The following ERBB4 variants were observed in gnomAD, a reference collection of about 807,000 sequenced individuals.
ERBB4 encodes receptor tyrosine-protein kinase erbB-4.
ERBB4 carries 42 observed loss-of-function variants against 158.0 expected under a neutral mutation model. The observed-to-expected ratio is 0.27, with a 90% CI of 0.21 to 0.34. ERBB4 has a LOEUF of 0.34. Ranked by LOEUF, ERBB4 falls within the 10% of genes least tolerant of loss-of-function variation. The probability of loss-of-function intolerance (pLI) is 1.00; values close to 1 mark genes in which losing one functional copy is unlikely to be tolerated. For synonymous variants in ERBB4, 583 were observed against 558.7 expected (o/e 1.04, Z -0.61); for missense variants, 1,333 against 1,624.1 (o/e 0.82, Z 3.08).
Position 212,461,915 on chromosome 2 carries a change from TG to T in ERBB4, c.82+76533del, listed in dbSNP as rs529621396. ...GCACAAGCTCTCTCTCTTTGCCTGC[TG>T]CCATCCATGTAAGACGTGACTTGCT... On this transcript the variant is annotated intron_variant, in intron 1 of 27. Transcript: ENST00000342788. 2.5e-3 allele frequency among the ~76,000 whole-genome samples: 386 copies of T among 152,322 alleles called. 3 individuals carry two copies. The highest frequency in any genetic ancestry group is 4.0e-3 in the Non-Finnish European group (274 of 68,022).
intron 7 of ERBB4, among the ~76,000 whole-genome samples, chr2:211,721,010 A>G (rs982538032): frequency 6.6e-6 from 1 of 152,192 alleles, no homozygotes; most frequent in Non-Finnish European, 1.5e-5. Context: ...TGGCCTGCAC[A>G]CGTGCCATTT....
At chr2:211,585,420 G>A (rs2068246759) in intron 19 of ERBB4, among the ~76,000 whole-genome samples, 3 of 150,996 alleles carry the variant, frequency 2.0e-5, no homozygotes, top group Admixed American at 2.0e-4. Flanking sequence ...GTTGTTTAAA[G>A]CCAAATCTAC....
At chr2:211,960,179 G>GGGA (rs1437992545) in intron 2 of ERBB4, among the ~76,000 whole-genome samples, 4 of 152,018 alleles carry the variant, frequency 2.6e-5, no homozygotes, top group African/African-American at 9.7e-5. Context: ...TTCTAGGTAT[G>GGGA]GGACAAGAAA....
intron 1 of ERBB4, among the ~76,000 whole-genome samples, chr2:212,389,206 T>C (rs13383860): frequency 0.3 from 45,279 of 151,916 alleles, 8,581 homozygotes; most frequent in African/African-American, 0.55. Flanking sequence ...TACATAATGA[T>C]TATCCAATAA....
At position 212,072,700 on chromosome 2, in the gene ERBB4, C is replaced by T. The variant is rs527970341; in HGVS notation, c.234+52052G>A. ...ACTCCCACTGATACTCAGTTTTAGT[C>T]CTTATTCATTCACTTAGCCATTTAA... On this transcript the variant is annotated intron_variant, in intron 2 of 27. Coordinates refer to ENST00000342788, the MANE Select transcript of ERBB4 (RefSeq NM_005235.3). 2.1e-3 allele frequency among the ~76,000 whole-genome samples: 314 copies of T among 152,050 alleles called. 1 individual carries two copies. The highest frequency in any genetic ancestry group is 3.5e-3 in the Non-Finnish European group (237 of 67,964).
chr2:211,411,776 A>C (rs2063267950), intron 25 of ERBB4, among the ~76,000 whole-genome samples: 1 of 152,218 alleles, frequency 6.6e-6, no homozygotes, highest in South Asian at 2.1e-4. Flanking sequence ...GACCTACTAA[A>C]ACATGCATCA....
At chr2:212,031,451 A>C (rs1333075142) in intron 2 of ERBB4, among the ~76,000 whole-genome samples, 1 of 152,278 alleles carries the variant, frequency 6.6e-6, no homozygotes, top group African/African-American at 2.4e-5. Context: ...TATTTGTTTA[A>C]TACACTTAAG....
intron 1 of ERBB4, among the ~76,000 whole-genome samples, chr2:212,393,474 T>G (rs1433732532): frequency 4.6e-5 from 7 of 152,074 alleles, no homozygotes. Context: ...ATATCATTAC[T>G]TAACAATAAT....
intron 2 of ERBB4, among the ~76,000 whole-genome samples, chr2:211,986,848 G>T (rs1324597822): frequency 6.6e-6 from 1 of 152,042 alleles, no homozygotes; most frequent in Admixed American, 6.6e-5. Flanking sequence ...CTGACTCTGG[G>T]TGAAGTAAAG....
rs1009063677 is a variant in ERBB4, at chr2:211,538,346, T to C, written c.2487+23557A>G. ...AATTTAATACTGTGTGTATGTTCCT[T>C]ATACAATAGATAGAAAAATTTGCCT... is the stretch of plus-strand genomic sequence containing the variant. On this transcript the variant is annotated intron_variant, in intron 20 of 27. Coordinates refer to ENST00000342788, the MANE Select transcript of ERBB4 (RefSeq NM_005235.3). 3.3e-5 allele frequency among the ~76,000 whole-genome samples: 5 copies of C among 151,976 alleles called. No individual in the cohort carries two copies. The South Asian group carries it at 1.0e-3, about 31-fold the overall frequency.
intron 1 of ERBB4, among the ~76,000 whole-genome samples, chr2:212,393,667 G>C (rs2090943432): frequency 6.6e-6 from 1 of 151,964 alleles, no homozygotes; most frequent in South Asian, 2.1e-4. Context: ...TACTCAGCTG[G>C]TACAAGAAAG....
At position 211,750,627 on chromosome 2, in the gene ERBB4, A is replaced by C; in HGVS notation, c.622+12T>G. The C allele has an allele frequency of 1.9e-6, 3 of 1,612,148 alleles. No individual in the cohort carries two copies. Among genetic ancestry groups the C allele is most frequent in the Non-Finnish European group, 2.5e-6 (3 of 1,178,198 alleles). On this transcript the variant is annotated intron_variant, in intron 5 of 27. Transcript: ENST00000342788. ...ACATCAAACCTGTGTGCTCTCACTG[A>C]TGAACACTTACAAGTCTGGCAATGA...
At chr2:212,410,618 G>T (rs1311960327) in intron 1 of ERBB4, among the ~76,000 whole-genome samples, 2 of 151,934 alleles carry the variant, frequency 1.3e-5, no homozygotes, top group Non-Finnish European at 2.9e-5. Context: ...CTAAGTCTAA[G>T]ACTAACTTAA....
chr2:211,977,530 T>TAAAAAAAAAAAAAAAAAAAAAAAAAAAA (rs1394107563), intron 2 of ERBB4, among the ~76,000 whole-genome samples: 1 of 6,688 alleles, frequency 1.5e-4, no homozygotes, highest in Non-Finnish European at 2.9e-4. Flanking sequence ...GATATTGACT[T>TAAAAAAAAAAAAAAAAAAAAAAAAAAAA]TAAAAAAAAA....
intron 1 of ERBB4, among the ~76,000 whole-genome samples, chr2:212,184,468 A>C (rs1415609777): frequency 1.3e-5 from 2 of 152,076 alleles, no homozygotes; most frequent in African/African-American, 4.8e-5. Context: ...AATTCTATTA[A>C]TAGTAGGCAG....
intron 3 of ERBB4, among the ~76,000 whole-genome samples, chr2:211,873,284 A>G (rs1416670522): frequency 6.6e-6 from 1 of 152,210 alleles, no homozygotes; most frequent in African/African-American, 2.4e-5. Context: ...GACCTCAACA[A>G]CATGTTAAGC....
At chr2:211,433,352 T>G (rs2063783849) in intron 20 of ERBB4, among the ~76,000 whole-genome samples, 1 of 151,334 alleles carries the variant, frequency 6.6e-6, no homozygotes, top group Non-Finnish European at 1.5e-5. Flanking sequence ...GAGGCCGAGG[T>G]GGGTGGATCA....
chr2:212,314,600 T>TA (rs2087193002), intron 1 of ERBB4, among the ~76,000 whole-genome samples: 1 of 151,090 alleles, frequency 6.6e-6, no homozygotes, highest in Admixed American at 6.6e-5. Context: ...TGATTTTTTT[T>TA]AAAAAGAATC....
intron 20 of ERBB4, among the ~76,000 whole-genome samples, chr2:211,461,100 CCTG>C (rs1212984930): frequency 6.6e-6 from 1 of 151,810 alleles, no homozygotes; most frequent in Non-Finnish European, 1.5e-5. Context: ...AAAAAAAATC[CCTG>C]CTTTTGATTA....
Sources: gnomAD v4.1 joint callset for allele counts (sites outside exome capture counted in the v4.1 genomes callset) on GRCh38, gnomAD v4.1.1 for gene constraint, MANE v1.5 for transcripts, NCBI Gene and HGNC (gene_info 2026-07-23, HGNC 2026-07-21) for gene names.